EPN2: variants seen among roughly 807,000 people sequenced by gnomAD.
The protein encoded by EPN2 is epsin 2.
Under a neutral mutation model 61.7 loss-of-function variants are expected in EPN2, and 34 were observed. The ratio of observed to expected loss-of-function variants is 0.55; its 90% CI spans 0.42 to 0.73. EPN2 has a LOEUF of 0.73. Among genes scored for constraint, EPN2 ranks in the 30% least tolerant of loss-of-function variants. The pLI, the probability that EPN2 is intolerant of heterozygous loss-of-function variation, is 0.00. For missense variants in EPN2, 714 were observed against 839.2 expected (o/e 0.85, Z 1.84); for synonymous variants, 349 against 353.6 (o/e 0.99, Z 0.15).
At chr17:19,324,470 A>T (rs1468723542) in intron 7 of EPN2, among the ~76,000 whole-genome samples, 1 of 152,140 alleles carries the variant, frequency 6.6e-6, no homozygotes, top group Non-Finnish European at 1.5e-5. Flanking sequence ...AGTAGCTGGG[A>T]CTACGGGCAT....
At chr17:19,247,534 A>G (rs2044966397) in intron 1 of EPN2, among the ~76,000 whole-genome samples, 1 of 152,250 alleles carries the variant, frequency 6.6e-6, no homozygotes, top group African/African-American at 2.4e-5. Context: ...GATCTCAGGA[A>G]CAGCAGGAGT....
chr17:19,296,648 G>T (rs1370933368), intron 4 of EPN2: 3 of 151,820 alleles, frequency 2.0e-5, no homozygotes, highest in Admixed American at 6.6e-5. Flanking sequence ...TCTTGCTGTT[G>T]CCCAGGCTGG....
intron 1 of EPN2, among the ~76,000 whole-genome samples, chr17:19,253,259 T>C (rs1465988162): frequency 1.3e-5 from 2 of 152,202 alleles, no homozygotes; most frequent in East Asian, 3.9e-4. Flanking sequence ...TCACCTAGTA[T>C]GTTTTCCAAG....
At chr17:19,310,131 AT>A (rs1307662559) in intron 5 of EPN2, 134 bp downstream of exon 5, 3 of 671,040 alleles carry the variant, frequency 4.5e-6, no homozygotes, top group Non-Finnish European at 8.0e-6. Context: ...ATGGCATTTC[AT>A]GCTGCCGTAA....
intron 7 of EPN2, among the ~76,000 whole-genome samples, chr17:19,324,467 G>A (rs1440750003): frequency 6.6e-6 from 1 of 152,130 alleles, no homozygotes; most frequent in Non-Finnish European, 1.5e-5. Flanking sequence ...CCGAGTAGCT[G>A]GGACTACGGG....
rs777621900 is a variant in EPN2 at position 19,329,633 on chromosome 17, C to A, written c.1397C>A (p.Thr466Asn). The change falls in exon 9 of 11, where the codon ACT becomes AAT. Residue 466 changes from threonine (T) to asparagine (N), a missense_variant. By Grantham distance (65) the Thr-to-Asn change is moderately conservative. Transcript: ENST00000314728. ...TTTTCTGAATTTGACAACCTTCGGACTTCAAAAAAAACAGGTATGTACAGG... is the reference window on the plus strand; with the variant it reads ...TTTTCTGAATTTGACAACCTTCGGAATTCAAAAAAAACAGGTATGTACAGG... ...DDFSEFDNLR[T>N]SKKTAESVTS... 8 of 1,607,428 alleles carry A rather than the reference C, an allele frequency of 5.0e-6. No individual in the cohort carries two copies. Among genetic ancestry groups the A allele is most frequent in the Middle Eastern group, 1.7e-4 (1 of 6,044 alleles).
At chr17:19,268,392 C>G (rs562615483) in intron 1 of EPN2, among the ~76,000 whole-genome samples, 19 of 152,168 alleles carry the variant, frequency 1.2e-4, no homozygotes, top group South Asian at 4.2e-4. Context: ...GGGTCTTGCT[C>G]TGTCGTCCAG....
chr17:19,267,674 C>T (rs948515385), intron 1 of EPN2, among the ~76,000 whole-genome samples: 2 of 151,866 alleles, frequency 1.3e-5, no homozygotes, highest in African/African-American at 4.8e-5. Flanking sequence ...TCCTGAGTAG[C>T]TGGGATTACA....
At chr17:19,318,566 A>AAAAAAAAAAAAAAAAAAAAAAAAAAG (rs1187317882) in intron 7 of EPN2, among the ~76,000 whole-genome samples, 1 of 148,602 alleles carries the variant, frequency 6.7e-6, no homozygotes, top group Non-Finnish European at 1.5e-5. Flanking sequence ...AAAAAAAAAA[A>AAAAAAAAAAAAAAAAAAAAAAAAAAG]AGAGTAGGGG....
At chr17:19,278,638 A>G (rs2045332272) in intron 1 of EPN2, among the ~76,000 whole-genome samples, 1 of 152,180 alleles carries the variant, frequency 6.6e-6, no homozygotes, top group South Asian at 2.1e-4. Flanking sequence ...AAACCATGTC[A>G]TGAAGATTTC....
At chr17:19,300,939 A>G (rs1288599569) in intron 4 of EPN2, among the ~76,000 whole-genome samples, 1 of 152,126 alleles carries the variant, frequency 6.6e-6, no homozygotes, top group African/African-American at 2.4e-5. Flanking sequence ...CTGGCCTGAT[A>G]ACACAGCCAG....
intron 1 of EPN2, among the ~76,000 whole-genome samples, chr17:19,238,220 G>A (rs576521885): frequency 5.3e-5 from 8 of 152,240 alleles, no homozygotes; most frequent in Non-Finnish European, 1.2e-4. Flanking sequence ...CCGGCCCGGC[G>A]GTCCTGCTCG....
rs764061282 is a variant in EPN2 at position 19,246,726 on chromosome 17, GT to G, written c.-294+9205del. ...TAAAGGGACGCAGTTGTTTTGTTTTGTTTTTTTTTTCCCCCCTGAAAGCAAG... is the reference window on the plus strand; with the variant it reads ...TAAAGGGACGCAGTTGTTTTGTTTTGTTTTTTTTTCCCCCCTGAAAGCAAG... On this transcript the variant is annotated intron_variant, in intron 1 of 10. Transcript: ENST00000314728. Among the ~76,000 whole-genome samples the G allele has an allele frequency of 1.7e-3, 188 of 113,858 alleles. 3 individuals are homozygous for G. The highest frequency in any genetic ancestry group is 2.3e-3 in the East Asian group (8 of 3,444). The allele number at this position is 113,858 out of a possible 152,430, so 74.7% of individuals were successfully genotyped here.
intron 1 of EPN2, among the ~76,000 whole-genome samples, chr17:19,272,037 C>T (rs2045259668): frequency 6.6e-6 from 1 of 152,360 alleles, no homozygotes; most frequent in South Asian, 2.1e-4. Context: ...TTTTCCCATG[C>T]AGCTCTGCAT....
intron 10 of EPN2, 55 bp from the exon 11 acceptor site, chr17:19,333,901 C>G: frequency 1.4e-6 from 2 of 1,448,960 alleles, no homozygotes; most frequent in Non-Finnish European, 1.8e-6. Flanking sequence ...GACCTGGGAG[C>G]TCAGAAAGCC....
At position 19,333,977 on chromosome 17, in the gene EPN2, C is replaced by CTGTTAACCCT. The variant is rs758558629; in HGVS notation, c.1651_1660dup (p.Phe554CysfsTer2). 1 of 1,571,182 alleles carries CTGTTAACCCT rather than the reference C, an allele frequency of 6.4e-7. No individual in the cohort carries two copies. Among genetic ancestry groups the CTGTTAACCCT allele is most frequent in the Non-Finnish European group, 8.7e-7 (1 of 1,153,684 alleles). On this transcript the variant is annotated frameshift_variant, in exon 11 of 11. Transcript: ENST00000314728. LOFTEE classifies it high-confidence loss of function. The stretch of plus-strand genomic sequence containing the variant: ...CCAGGTGCTCCCGCCACCTCGGCCC[C>CTGTTAACCCT]TGTTAACCCTTTCCAGGTGAACCAG...
intron 5 of EPN2, among the ~76,000 whole-genome samples, chr17:19,311,815 C>T (rs976033606): frequency 6.6e-6 from 1 of 152,220 alleles, no homozygotes; most frequent in Non-Finnish European, 1.5e-5. Flanking sequence ...GTACCTGAGC[C>T]ATAGTCTCCC....
Position 19,335,575 on chromosome 17 carries a change from G to A in EPN2, c.*1321G>A. The A allele has an allele frequency of 2.6e-6, 3 of 1,147,606 alleles. No homozygotes were observed. Among genetic ancestry groups the A allele is most frequent in the Non-Finnish European group, 3.6e-6 (3 of 826,886 alleles). 71.1% of individuals were successfully genotyped at this position (1,147,606 alleles called of 1,614,324 possible). A position where few individuals can be genotyped will look rare whatever the true frequency, so the allele number is the denominator to read the frequency against. On this transcript the variant is annotated 3_prime_UTR_variant, in exon 11 of 11. Coordinates refer to ENST00000314728, the MANE Select transcript of EPN2 (RefSeq NM_014964.5). The stretch of plus-strand genomic sequence containing the variant: ...AGGGCGTGGGGTGGGGGGTGCTTCT[G>A]TGCCCACGGGTCCCTGGGCAACAGT...
At chr17:19,261,500 T>A (rs2045141371) in intron 1 of EPN2, among the ~76,000 whole-genome samples, 1 of 152,256 alleles carries the variant, frequency 6.6e-6, no homozygotes, top group Admixed American at 6.5e-5. Context: ...TATAAATTTT[T>A]TTCAGGCTAG....
Sources: gnomAD v4.1 joint callset for allele counts (sites outside exome capture counted in the v4.1 genomes callset) on GRCh38, gnomAD v4.1.1 for gene constraint, MANE v1.5 for transcripts, NCBI Gene and HGNC (gene_info 2026-07-23, HGNC 2026-07-21) for gene names.